PRKCB: variants seen among roughly 807,000 people sequenced by gnomAD.
PRKCB encodes the protein protein kinase C beta type.
A neutral mutation model predicts 81.5 loss-of-function variants in PRKCB; 13 were observed. That is an observed-to-expected ratio of 0.16 (90% CI 0.10 to 0.25). The LOEUF (loss-of-function observed/expected upper bound fraction) is 0.25. PRKCB is among the 10% of genes least tolerant of loss of function. The pLI is 1.00. For missense variants in PRKCB, 509 were observed against 875.7 expected (o/e 0.58, Z 5.29); for synonymous variants, 335 against 321.4 (o/e 1.04, Z -0.45).
intron 7 of PRKCB, chr16:24,111,325 G>C (rs1056448146): frequency 6.6e-6 from 1 of 152,138 alleles, no homozygotes; most frequent in Non-Finnish European, 1.5e-5. Flanking sequence ...TTTAAACTTT[G>C]GTTAGGAATG....
intron 2 of PRKCB, among the ~76,000 whole-genome samples, chr16:23,937,853 A>C (rs938505135): frequency 1.3e-5 from 2 of 152,176 alleles, no homozygotes; most frequent in Non-Finnish European, 1.5e-5. Flanking sequence ...TAACTTGTGC[A>C]GTGGTTTGTG....
At chr16:24,126,078 G>A (rs1328939207) in intron 9 of PRKCB, among the ~76,000 whole-genome samples, 1 of 152,218 alleles carries the variant, frequency 6.6e-6, no homozygotes, top group African/African-American at 2.4e-5. Context: ...TGGGAAGAGA[G>A]ATGTCCACTG....
intron 2 of PRKCB, among the ~76,000 whole-genome samples, chr16:23,913,447 T>A (rs781511202): frequency 2.0e-5 from 3 of 152,120 alleles, no homozygotes; most frequent in African/African-American, 4.8e-5. Context: ...ACTGGGGAGA[T>A]AAGCCTTCAA....
chr16:23,839,431 G>A (rs1331586687), intron 2 of PRKCB, among the ~76,000 whole-genome samples: 3 of 151,982 alleles, frequency 2.0e-5, no homozygotes, highest in Non-Finnish European at 4.4e-5. Context: ...GCACCACCAT[G>A]CCTGGCTAAT....
intron 2 of PRKCB, among the ~76,000 whole-genome samples, chr16:23,884,486 C>A (rs1567302015): frequency 6.6e-6 from 1 of 152,140 alleles, no homozygotes; most frequent in Non-Finnish European, 1.5e-5. Context: ...CCCTTATGGG[C>A]TTCCTGTTTG....
At chr16:23,901,564 G>A (rs1963473139) in intron 2 of PRKCB, among the ~76,000 whole-genome samples, 1 of 152,194 alleles carries the variant, frequency 6.6e-6, no homozygotes, top group African/African-American at 2.4e-5. Flanking sequence ...TTTAAAGACA[G>A]ACAAGGCAGA....
chr16:23,868,497 T>A (rs1172704059), intron 2 of PRKCB, among the ~76,000 whole-genome samples: 1 of 152,258 alleles, frequency 6.6e-6, no homozygotes, highest in Non-Finnish European at 1.5e-5. Flanking sequence ...ATTTTCACAA[T>A]GACCTATCAG....
At chr16:24,148,482 T>C (rs963200944) in intron 9 of PRKCB, among the ~76,000 whole-genome samples, 18 of 152,338 alleles carry the variant, frequency 1.2e-4, no homozygotes, top group Admixed American at 8.5e-4. Flanking sequence ...ACTGAAAGAA[T>C]TGTCTAGTCT....
intron 2 of PRKCB, among the ~76,000 whole-genome samples, chr16:23,883,594 A>G (rs141656651): frequency 2.7e-4 from 41 of 152,278 alleles, no homozygotes; most frequent in African/African-American, 9.9e-4. Flanking sequence ...CAGAAGTGGG[A>G]GGATGAGTCA....
rs71154286 is a variant in PRKCB at position 24,181,771 on chromosome 16, C to CAAAAAAA, written c.1533+857_1533+863dup. On this transcript the variant is annotated intron_variant, in intron 13 of 16. Transcript: ENST00000643927. Reference sequence around the variant, plus strand: ...TGGGTGACACAGTAAGACCCTGTCTCAAAAAAAAAAAAAAAAAAAAGAAGA... The same window carrying CAAAAAAA: ...TGGGTGACACAGTAAGACCCTGTCTCAAAAAAAAAAAAAAAAAAAAAAAAAAAGAAGA... Among the ~76,000 whole-genome samples, 31 of 24,570 alleles carry CAAAAAAA rather than the reference C, an allele frequency of 1.3e-3. 9 individuals carry two copies. Among genetic ancestry groups the CAAAAAAA allele is most frequent in the African/African-American group, 3.4e-3 (18 of 5,220 alleles). 16.1% of individuals were successfully genotyped at this position (24,570 alleles called of 152,430 possible). A position where few individuals can be genotyped will look rare whatever the true frequency, so the allele number is the denominator to read the frequency against.
chr16:23,975,040 C>T (rs966779788), intron 2 of PRKCB, among the ~76,000 whole-genome samples: 1 of 152,140 alleles, frequency 6.6e-6, no homozygotes, highest in Non-Finnish European at 1.5e-5. Flanking sequence ...GGATGGCTTC[C>T]CAAAGAAAAA....
chr16:24,039,306 G>A (rs1965667838), intron 5 of PRKCB, among the ~76,000 whole-genome samples: 1 of 152,080 alleles, frequency 6.6e-6, no homozygotes, highest in African/African-American at 2.4e-5. Context: ...TCTGCTCACT[G>A]CAACCTCTGC....
At position 24,079,614 on chromosome 16, in the gene PRKCB, A is replaced by G. The variant is rs1181516416; in HGVS notation, c.530-13177A>G. Among the ~76,000 whole-genome samples the G allele has an allele frequency of 2.6e-5, 4 of 152,358 alleles. No homozygotes were observed. The East Asian group carries it at 5.8e-4, about 22-fold the overall frequency. Reference sequence around the variant, plus strand: ...TTGATCAGGGTGACAAACCAGAAAAATGGTATCAATCAGATGCCAGAATCT... The same window carrying G: ...TTGATCAGGGTGACAAACCAGAAAAGTGGTATCAATCAGATGCCAGAATCT... On this transcript the variant is annotated intron_variant, in intron 5 of 16. Transcript: ENST00000643927.
At chr16:24,092,642 A>G (rs2141900513) in intron 5 of PRKCB, 149 bp from the exon 6 acceptor site, 1 of 707,270 alleles carries the variant, frequency 1.4e-6, no homozygotes, top group South Asian at 2.2e-5. Flanking sequence ...CATTTTGTGC[A>G]CTGCTTCAGC....
chr16:23,889,116 G>GTCCATCCATCCATCCA (rs60798460), intron 2 of PRKCB, among the ~76,000 whole-genome samples: 6 of 147,506 alleles, frequency 4.1e-5, no homozygotes, highest in African/African-American at 1.0e-4. Context: ...CTGTTCACTC[G>GTCCATCCATCCATCCA]TCCATCCATC....
At chr16:24,092,274 A>C (rs1966385408) in intron 5 of PRKCB, among the ~76,000 whole-genome samples, 1 of 152,234 alleles carries the variant, frequency 6.6e-6, no homozygotes, top group African/African-American at 2.4e-5. Context: ...GGAATCATAC[A>C]ATATGTGACC....
At chr16:23,914,450 A>G (rs1025965354) in intron 2 of PRKCB, among the ~76,000 whole-genome samples, 1 of 152,110 alleles carries the variant, frequency 6.6e-6, no homozygotes, top group African/African-American at 2.4e-5. Flanking sequence ...CTCCACCCTG[A>G]ATTGGATGCT....
intron 10 of PRKCB, among the ~76,000 whole-genome samples, chr16:24,161,402 G>A (rs1470919023): frequency 6.6e-6 from 1 of 152,070 alleles, no homozygotes; most frequent in Non-Finnish European, 1.5e-5. Flanking sequence ...AATCAGAAGG[G>A]GGCATAAACA....
At chr16:24,185,289 G>A in intron 14 of PRKCB, 98 bp downstream of exon 14, 1 of 1,317,658 alleles carries the variant, frequency 7.6e-7, no homozygotes, top group South Asian at 1.3e-5. Flanking sequence ...CTCATAAATT[G>A]GAACCTCTAT....
Sources: gnomAD v4.1 joint callset for allele counts (sites outside exome capture counted in the v4.1 genomes callset) on GRCh38, gnomAD v4.1.1 for gene constraint, MANE v1.5 for transcripts, NCBI Gene and HGNC (gene_info 2026-07-23, HGNC 2026-07-21) for gene names.